RNF111: variants seen among roughly 807,000 people sequenced by gnomAD.
RNF111 encodes ring finger protein 111, also known as E3 ubiquitin-protein ligase Arkadia.
A neutral mutation model predicts 95.1 loss-of-function variants in RNF111; 17 were observed. That is an observed-to-expected ratio of 0.18 (90% CI 0.12 to 0.27). The LOEUF (loss-of-function observed/expected upper bound fraction) is 0.27, where lower values mean the gene tolerates loss of function less well. RNF111 is among the 10% of genes least tolerant of loss of function. The pLI is 1.00. For missense variants in RNF111, 1,189 were observed against 1,210.4 expected, an observed-to-expected ratio of 0.98 and a Z score of 0.26; for synonymous variants, 440 against 414.8, an observed-to-expected ratio of 1.06 and a Z score of -0.74.
intron 2 of RNF111, among the ~76,000 whole-genome samples, chr15:59,036,360 C>T (rs1320139104): frequency 6.6e-6 from 1 of 152,016 alleles, no homozygotes; most frequent in East Asian, 1.9e-4. Flanking sequence ...CGCACCCGGC[C>T]AAGACTGGTA....
chr15:58,991,727 A>G (rs1044575741), intron 1 of RNF111, among the ~76,000 whole-genome samples: 22 of 152,240 alleles, frequency 1.4e-4, no homozygotes, highest in African/African-American at 4.6e-4. Context: ...ACAAATGTAA[A>G]TTAATTATTT....
chr15:59,059,931 C>A (rs2042362900), intron 5 of RNF111, among the ~76,000 whole-genome samples: 1 of 152,142 alleles, frequency 6.6e-6, no homozygotes, highest in Non-Finnish European at 1.5e-5. Flanking sequence ...TCATTTAATT[C>A]TTTTAATATT....
Position 58,987,710 on chromosome 15 carries a change from G to A in RNF111, c.-378G>A. ...GGGAGGAATTGGTTAGGCGGCGGCG[G>A]CGGCGAAGCGGCGGCGGCGGCTGTA... On this transcript the variant is annotated 5_prime_UTR_variant, in exon 1 of 14. Coordinates refer to ENST00000348370, the MANE Select transcript of RNF111 (RefSeq NM_017610.8). 5.6e-6 allele frequency: 1 copy of A among 179,838 alleles called. No individual in the cohort carries two copies. Among genetic ancestry groups the A allele is most frequent in the Non-Finnish European group, 1.1e-5 (1 of 88,274 alleles). The allele number at this position is 179,838 out of a possible 1,614,324, so 11.1% of individuals were successfully genotyped here. A position where few individuals can be genotyped will look rare whatever the true frequency, so the allele number is the denominator to read the frequency against.
chr15:59,024,314 C>T (rs781082606), intron 1 of RNF111, among the ~76,000 whole-genome samples: 2 of 151,982 alleles, frequency 1.3e-5, no homozygotes, highest in Non-Finnish European at 2.9e-5. Context: ...CAGATTAATG[C>T]AATTAAAAAA....
chr15:59,067,389 C>A (rs2142084146), intron 6 of RNF111, among the ~76,000 whole-genome samples: 1 of 151,628 alleles, frequency 6.6e-6, no homozygotes, highest in East Asian at 1.9e-4. Flanking sequence ...TTTTAGATGG[C>A]TGGAAAACCC....
intron 4 of RNF111, among the ~76,000 whole-genome samples, chr15:59,056,285 A>G (rs1439710211): frequency 6.6e-6 from 1 of 152,144 alleles, no homozygotes; most frequent in Non-Finnish European, 1.5e-5. Flanking sequence ...TATTATCGGT[A>G]CCTTTTTGTG....
chr15:59,026,079 A>C (rs1279551340), intron 1 of RNF111, among the ~76,000 whole-genome samples: 1 of 151,930 alleles, frequency 6.6e-6, no homozygotes, highest in African/African-American at 2.4e-5. Flanking sequence ...TCATGTAAGC[A>C]ATCATTACAT....
chr15:59,079,079 T>C (rs2078660704), intron 7 of RNF111, among the ~76,000 whole-genome samples: 1 of 152,160 alleles, frequency 6.6e-6, no homozygotes, highest in South Asian at 2.1e-4. Context: ...GAAAGGGTTT[T>C]TGGGAATGTG....
intron 1 of RNF111, among the ~76,000 whole-genome samples, chr15:59,025,850 C>T (rs1271944704): frequency 1.2e-4 from 18 of 152,088 alleles, no homozygotes; most frequent in Non-Finnish European, 2.9e-5. Flanking sequence ...CCTGCCTCAG[C>T]CTCCCGAGTA....
At chr15:59,073,495 AT>A (rs1205871960) in intron 6 of RNF111, among the ~76,000 whole-genome samples, 2 of 151,906 alleles carry the variant, frequency 1.3e-5, no homozygotes, top group Admixed American at 6.6e-5. Flanking sequence ...AAAAAAAAAA[AT>A]AAATAAACTA....
At chr15:59,014,052 A>G (rs544995339) in intron 1 of RNF111, among the ~76,000 whole-genome samples, 4 of 152,240 alleles carry the variant, frequency 2.6e-5, no homozygotes, top group East Asian at 1.9e-4. Flanking sequence ...TGGCCTCCCA[A>G]CATGCTAGGA....
intron 5 of RNF111, among the ~76,000 whole-genome samples, chr15:59,059,942 C>A (rs1299314067): frequency 6.6e-6 from 1 of 152,156 alleles, no homozygotes; most frequent in Non-Finnish European, 1.5e-5. Context: ...TTTTAATATT[C>A]ATGTAATTTA....
At chr15:58,998,443 C>T (rs2039179844) in intron 1 of RNF111, among the ~76,000 whole-genome samples, 1 of 152,122 alleles carries the variant, frequency 6.6e-6, no homozygotes, top group Admixed American at 6.5e-5. Flanking sequence ...TTCTTCCCCT[C>T]ATTGTGTCCG....
At chr15:59,039,231 T>C (rs2041331617) in intron 2 of RNF111, among the ~76,000 whole-genome samples, 1 of 152,210 alleles carries the variant, frequency 6.6e-6, no homozygotes, top group Non-Finnish European at 1.5e-5. Context: ...CCCAAAGTGC[T>C]GGGATTACAG....
intron 1 of RNF111, among the ~76,000 whole-genome samples, chr15:59,017,003 C>A (rs2040097815): frequency 6.6e-6 from 1 of 151,794 alleles, no homozygotes; most frequent in African/African-American, 2.4e-5. Flanking sequence ...CCAGTTGGGA[C>A]CATCTAGTTG....
At chr15:59,054,183 C>T (rs551928080) in intron 3 of RNF111, among the ~76,000 whole-genome samples, 9 of 152,064 alleles carry the variant, frequency 5.9e-5, no homozygotes, top group African/African-American at 1.9e-4. Flanking sequence ...GTGATCCACC[C>T]GCCTCGGCCT....
Position 59,095,473 on chromosome 15 carries a change from A to G in RNF111, c.*573A>G, listed in dbSNP as rs2079162139. 1 of 153,740 alleles carries G rather than the reference A, an allele frequency of 6.5e-6. No homozygotes were observed. Among genetic ancestry groups the G allele is most frequent in the Middle Eastern group, 3.4e-3 (1 of 296 alleles). The allele number at this position is 153,740 out of a possible 1,614,324, so 9.5% of individuals were successfully genotyped here. The stretch of plus-strand genomic sequence containing the variant: ...ATACTGGGAACAGAATACAACCCAT[A>G]TAAATCAGATGCAGGTGGTAGTCAC... On this transcript the variant is annotated 3_prime_UTR_variant, in exon 14 of 14. Coordinates refer to ENST00000348370, the MANE Select transcript of RNF111 (RefSeq NM_017610.8).
At chr15:59,061,240 G>T (rs1442554243) in intron 5 of RNF111, among the ~76,000 whole-genome samples, 2 of 152,080 alleles carry the variant, frequency 1.3e-5, no homozygotes, top group African/African-American at 4.8e-5. Context: ...AGTCCTAAAT[G>T]GGCCTCTCTT....
intron 5 of RNF111, among the ~76,000 whole-genome samples, chr15:59,060,130 C>T (rs1322153028): frequency 6.6e-6 from 1 of 152,140 alleles, no homozygotes; most frequent in Admixed American, 6.5e-5. Flanking sequence ...ACCTCAGTCT[C>T]TCAAGTAGCT....
Sources: gnomAD v4.1 joint callset for allele counts (sites outside exome capture counted in the v4.1 genomes callset) on GRCh38, gnomAD v4.1.1 for gene constraint, MANE v1.5 for transcripts, NCBI Gene and HGNC (gene_info 2026-07-23, HGNC 2026-07-21) for gene names.